GRIK2: variants seen among roughly 807,000 people sequenced by gnomAD.
GRIK2 encodes the protein glutamate ionotropic receptor kainate type subunit 2.
In GRIK2, 32 loss-of-function variants were observed where a neutral mutation model predicts 100.3. The observed-to-expected ratio is 0.32, with a 90% CI of 0.24 to 0.43. The LOEUF (loss-of-function observed/expected upper bound fraction) is 0.43, where lower values mean the gene tolerates loss of function less well. Ranked by LOEUF, GRIK2 falls within the 20% of genes least tolerant of loss-of-function variation. The pLI, the probability that GRIK2 is intolerant of heterozygous loss-of-function variation, is 1.00. For synonymous variants in GRIK2, 417 were observed against 389.4 expected, an observed-to-expected ratio of 1.07 and a Z score of -0.83; for missense variants, 843 against 1,114.9, an observed-to-expected ratio of 0.76 and a Z score of 3.47.
intron 12 of GRIK2, among the ~76,000 whole-genome samples, chr6:101,907,027 C>A (rs1408912694): frequency 6.6e-6 from 1 of 151,640 alleles, no homozygotes; most frequent in Non-Finnish European, 1.5e-5. Context: ...CAGAGATTTG[C>A]AGTATAAAGC....
At chr6:101,731,377 C>A (rs1005752377) in intron 7 of GRIK2, among the ~76,000 whole-genome samples, 1 of 151,754 alleles carries the variant, frequency 6.6e-6, no homozygotes, top group Non-Finnish European at 1.5e-5. Context: ...AAGCTTCTGC[C>A]CTAGTTCATT....
At chr6:101,415,038 A>G (rs1182585374) in intron 2 of GRIK2, among the ~76,000 whole-genome samples, 1 of 151,658 alleles carries the variant, frequency 6.6e-6, no homozygotes, top group African/African-American at 2.4e-5. Context: ...AAAGTAATGC[A>G]TTGTAGCTTA....
intron 16 of GRIK2, among the ~76,000 whole-genome samples, chr6:102,066,701 G>C (rs1772033458): frequency 6.6e-6 from 1 of 151,392 alleles, no homozygotes; most frequent in Admixed American, 6.6e-5. Flanking sequence ...AGTGGGGAAG[G>C]GAGAAGAGGG....
chr6:101,753,282 C>CA (rs774187168), intron 7 of GRIK2, among the ~76,000 whole-genome samples: 11,066 of 69,898 alleles, frequency 0.16, 710 homozygotes, highest in Middle Eastern at 0.17. Context: ...GACTCCGTCT[C>CA]AAAAAAAAAA....
intron 10 of GRIK2, among the ~76,000 whole-genome samples, chr6:101,854,286 G>C (rs1275821523): frequency 6.6e-6 from 1 of 152,154 alleles, no homozygotes; most frequent in Non-Finnish European, 1.5e-5. Flanking sequence ...ATTTGAGACA[G>C]TCTTGTTCTG....
At chr6:101,602,079 A>G (rs1210050521) in intron 2 of GRIK2, among the ~76,000 whole-genome samples, 1 of 151,752 alleles carries the variant, frequency 6.6e-6, no homozygotes, top group African/African-American at 2.4e-5. Context: ...CTTTAGTCTT[A>G]ACTCTGTTTT....
chr6:101,840,750 C>G (rs923020697), intron 10 of GRIK2, among the ~76,000 whole-genome samples: 1 of 152,042 alleles, frequency 6.6e-6, no homozygotes, highest in Non-Finnish European at 1.5e-5. Flanking sequence ...TCTGAGCTCT[C>G]TTAGCTTTAG....
At chr6:101,472,850 G>A (rs1772020308) in intron 2 of GRIK2, among the ~76,000 whole-genome samples, 1 of 151,676 alleles carries the variant, frequency 6.6e-6, no homozygotes, top group South Asian at 2.1e-4. Flanking sequence ...AATTTGGAAA[G>A]CAACAAATTG....
At chr6:101,997,034 C>T (rs1318373244) in intron 14 of GRIK2, among the ~76,000 whole-genome samples, 3 of 151,974 alleles carry the variant, frequency 2.0e-5, no homozygotes, top group African/African-American at 7.2e-5. Flanking sequence ...ATACTCTTTT[C>T]CATGCTATTT....
chr6:101,886,315 A>T (rs953777062), intron 11 of GRIK2, among the ~76,000 whole-genome samples: 2 of 152,030 alleles, frequency 1.3e-5, no homozygotes, highest in Admixed American at 1.3e-4. Context: ...CATTGTATGG[A>T]TGTAATACAG....
At chr6:101,579,407 C>T (rs1440718740) in intron 2 of GRIK2, among the ~76,000 whole-genome samples, 1 of 151,932 alleles carries the variant, frequency 6.6e-6, no homozygotes, top group African/African-American at 2.4e-5. Context: ...TTTCTTTTCT[C>T]TTTGTCTCTT....
chr6:101,404,848 G>T (rs962468594), intron 2 of GRIK2, among the ~76,000 whole-genome samples: 6 of 152,158 alleles, frequency 3.9e-5, no homozygotes, highest in African/African-American at 1.4e-4. Context: ...ACCCCTGAAA[G>T]GGAAGGAAGT....
chr6:101,577,205 T>G (rs1777831834), intron 2 of GRIK2, among the ~76,000 whole-genome samples: 2 of 152,010 alleles, frequency 1.3e-5, no homozygotes, highest in Admixed American at 1.3e-4. Flanking sequence ...ACTTTGCATC[T>G]GACATAGGGA....
intron 11 of GRIK2, among the ~76,000 whole-genome samples, chr6:101,877,309 A>G (rs1785925909): frequency 6.6e-6 from 1 of 151,940 alleles, no homozygotes; most frequent in Non-Finnish European, 1.5e-5. Flanking sequence ...GGGCTAGGGA[A>G]GGATAGTTGT....
chr6:102,049,291 A>G (rs993765025), intron 15 of GRIK2, among the ~76,000 whole-genome samples: 2 of 152,168 alleles, frequency 1.3e-5, no homozygotes, highest in African/African-American at 4.8e-5. Context: ...AGACAGAAAA[A>G]TCTAATGAAG....
At chr6:101,983,612 A>G (rs769676742) in intron 14 of GRIK2, among the ~76,000 whole-genome samples, 3 of 151,806 alleles carry the variant, frequency 2.0e-5, no homozygotes, top group African/African-American at 7.2e-5. Context: ...ATATAACTCA[A>G]TGATAAAAAT....
At chr6:101,830,655 A>G (rs1014071977) in intron 10 of GRIK2, among the ~76,000 whole-genome samples, 9 of 151,942 alleles carry the variant, frequency 5.9e-5, no homozygotes, top group African/African-American at 2.2e-4. Flanking sequence ...TCAAAACCAC[A>G]GTGAGATGCC....
chr6:102,002,487 A>G (rs925543161), intron 14 of GRIK2, among the ~76,000 whole-genome samples: 2 of 149,996 alleles, frequency 1.3e-5, no homozygotes, highest in South Asian at 4.2e-4. Context: ...GTATGGATAT[A>G]TGTTTTTAGC....
At chr6:101,811,370 T>C (rs1482603284) in intron 9 of GRIK2, among the ~76,000 whole-genome samples, 1 of 152,074 alleles carries the variant, frequency 6.6e-6, no homozygotes, top group African/African-American at 2.4e-5. Context: ...TTTTACATTG[T>C]TGTCTAATGG....
Sources: gnomAD v4.1 joint callset for allele counts (sites outside exome capture counted in the v4.1 genomes callset) on GRCh38, gnomAD v4.1.1 for gene constraint, MANE v1.5 for transcripts, NCBI Gene and HGNC (gene_info 2026-07-23, HGNC 2026-07-21) for gene names.